PRKCE: variants seen among roughly 807,000 people sequenced by gnomAD.
PRKCE encodes protein kinase C epsilon type.
PRKCE carries 16 observed loss-of-function variants against 85.4 expected under a neutral mutation model. The ratio of observed to expected loss-of-function variants is 0.19; its 90% CI spans 0.13 to 0.28. The LOEUF (loss-of-function observed/expected upper bound fraction) is 0.28, where lower values mean the gene tolerates loss of function less well. PRKCE is among the 10% of genes least tolerant of loss of function. The probability of loss-of-function intolerance (pLI) is 1.00; values close to 1 mark genes in which losing one functional copy is unlikely to be tolerated. For missense variants in PRKCE, 573 were observed against 975.2 expected, an observed-to-expected ratio of 0.59 and a Z score of 5.49; for synonymous variants, 388 against 371.5, an observed-to-expected ratio of 1.04 and a Z score of -0.51.
chr2:45,964,473 C>T (rs1701602126), intron 2 of PRKCE, among the ~76,000 whole-genome samples: 1 of 152,244 alleles, frequency 6.6e-6, no homozygotes, highest in South Asian at 2.1e-4. Context: ...GCTGGGAGCA[C>T]TCTTTGAGCT....
intron 2 of PRKCE, among the ~76,000 whole-genome samples, chr2:45,878,081 C>G (rs544281204): frequency 6.6e-6 from 1 of 152,352 alleles, no homozygotes; most frequent in South Asian, 2.1e-4. Flanking sequence ...ACTGAGCTCC[C>G]ATCTCCTTGG....
chr2:45,892,603 T>C (rs1043308893), intron 2 of PRKCE, among the ~76,000 whole-genome samples: 3 of 152,138 alleles, frequency 2.0e-5, no homozygotes, highest in African/African-American at 2.4e-5. Flanking sequence ...GGAGTTGCCT[T>C]GGTTGTATGC....
intron 1 of PRKCE, among the ~76,000 whole-genome samples, chr2:45,825,364 G>A (rs972716507): frequency 5.9e-5 from 9 of 152,336 alleles, no homozygotes; most frequent in Non-Finnish European, 1.2e-4. Flanking sequence ...ACAGAATTTC[G>A]GAGCTAAGGT....
At chr2:45,951,107 C>T (rs924797337) in intron 2 of PRKCE, among the ~76,000 whole-genome samples, 1 of 152,174 alleles carries the variant, frequency 6.6e-6, no homozygotes, top group Admixed American at 6.5e-5. Flanking sequence ...CAAACACTAT[C>T]GTGTTATCCG....
chr2:45,835,989 C>T (rs1690843580), intron 1 of PRKCE, among the ~76,000 whole-genome samples: 1 of 152,140 alleles, frequency 6.6e-6, no homozygotes, highest in Non-Finnish European at 1.5e-5. Context: ...GGGACATTTC[C>T]AGTTTTGGGC....
intron 10 of PRKCE, among the ~76,000 whole-genome samples, chr2:46,065,035 A>G (rs1025973920): frequency 2.0e-5 from 3 of 152,342 alleles, no homozygotes. Flanking sequence ...GACCCTGTAC[A>G]TCCTCGACCC....
intron 1 of PRKCE, among the ~76,000 whole-genome samples, chr2:45,677,630 T>A (rs910478996): frequency 2.6e-5 from 4 of 152,200 alleles, no homozygotes; most frequent in Non-Finnish European, 4.4e-5. Flanking sequence ...CAGTGAAGGT[T>A]TTTTAAGCAG....
chr2:46,066,250 A>G (rs1667616827), intron 10 of PRKCE, among the ~76,000 whole-genome samples: 2 of 152,080 alleles, frequency 1.3e-5, no homozygotes, highest in Admixed American at 6.5e-5. Context: ...TTTTCCCCCT[A>G]TTTCTGCCTA....
At chr2:46,131,060 C>T (rs963494809) in intron 11 of PRKCE, among the ~76,000 whole-genome samples, 3 of 152,196 alleles carry the variant, frequency 2.0e-5, no homozygotes, top group Non-Finnish European at 2.9e-5. Context: ...ACAACCTGCT[C>T]TAGTGTGAGG....
At position 45,740,259 on chromosome 2, in the gene PRKCE, C is replaced by T. The variant is rs189370774; in HGVS notation, c.348+87811C>T. On this transcript the variant is annotated intron_variant, in intron 1 of 14. Transcript: ENST00000306156. ...ATCTGACTGGAGCAGTGAAGCTGTG[C>T]CCCTAACTCTCCTTCCTTGGGCTTA... Among the ~76,000 whole-genome samples the T allele has an allele frequency of 2.3e-4, 35 of 152,228 alleles. No individual in the cohort carries two copies. The East Asian group carries it at 2.7e-3, about 12-fold the overall frequency.
chr2:46,056,416 T>A (rs955215982), intron 10 of PRKCE, among the ~76,000 whole-genome samples: 3 of 152,170 alleles, frequency 2.0e-5, no homozygotes, highest in African/African-American at 7.2e-5. Context: ...GTAACTTATA[T>A]GGGATTAAGT....
chr2:45,808,873 A>G (rs1688447872), intron 1 of PRKCE, among the ~76,000 whole-genome samples: 1 of 152,128 alleles, frequency 6.6e-6, no homozygotes, highest in South Asian at 2.1e-4. Context: ...TTGTTCTCCA[A>G]CAATACCTGG....
At chr2:45,908,444 T>C (rs533428931) in intron 2 of PRKCE, among the ~76,000 whole-genome samples, 1 of 152,240 alleles carries the variant, frequency 6.6e-6, no homozygotes, top group African/African-American at 2.4e-5. Flanking sequence ...TGCTCCACTC[T>C]CTCTCGCCCA....
At chr2:45,969,313 A>G (rs2104480174) in intron 2 of PRKCE, among the ~76,000 whole-genome samples, 1 of 152,228 alleles carries the variant, frequency 6.6e-6, no homozygotes, top group Admixed American at 6.5e-5. Flanking sequence ...CCCCTTCTGC[A>G]GTGAGGCAGA....
At chr2:46,137,943 G>A (rs1443512030) in intron 11 of PRKCE, among the ~76,000 whole-genome samples, 1 of 152,080 alleles carries the variant, frequency 6.6e-6, no homozygotes, top group African/African-American at 2.4e-5. Flanking sequence ...GGATCTGTTT[G>A]TACTCACTGA....
chr2:45,897,116 G>A (rs1469140590), intron 2 of PRKCE, among the ~76,000 whole-genome samples: 1 of 152,196 alleles, frequency 6.6e-6, no homozygotes, highest in African/African-American at 2.4e-5. Context: ...TGCATTGGTA[G>A]TATTAAATAT....
At chr2:45,932,339 T>A (rs1699107942) in intron 2 of PRKCE, among the ~76,000 whole-genome samples, 2 of 152,342 alleles carry the variant, frequency 1.3e-5, no homozygotes, top group African/African-American at 2.4e-5. Flanking sequence ...GTTTCCAGTT[T>A]AGGGGTAGTA....
intron 2 of PRKCE, among the ~76,000 whole-genome samples, chr2:45,918,324 G>A (rs1335445423): frequency 6.6e-6 from 1 of 152,256 alleles, no homozygotes; most frequent in African/African-American, 2.4e-5. Context: ...ACTGTGTAAT[G>A]TAGGCTTTAG....
chr2:45,903,892 TTTG>T lies in PRKCE; in HGVS notation c.412+60832_412+60834del, dbSNP rs1553445474. Among the ~76,000 whole-genome samples, 38 of 121,800 alleles carry T rather than the reference TTTG, an allele frequency of 3.1e-4. 1 individual carries two copies. Among genetic ancestry groups the T allele is most frequent in the South Asian group, 9.3e-4 (3 of 3,214 alleles). The allele number at this position is 121,800 out of a possible 152,430, so 79.9% of individuals were successfully genotyped here. ...CTTGTAGCCTGGCAGTTTTTTTTTG[TTTG>T]TTTGTTTGTTTGTTTGTTTGTTTTT... is the stretch of plus-strand genomic sequence containing the variant. On this transcript the variant is annotated intron_variant, in intron 2 of 14. Transcript: ENST00000306156.
Sources: gnomAD v4.1 joint callset for allele counts (sites outside exome capture counted in the v4.1 genomes callset) on GRCh38, gnomAD v4.1.1 for gene constraint, MANE v1.5 for transcripts, NCBI Gene and HGNC (gene_info 2026-07-23, HGNC 2026-07-21) for gene names.